NAV1: variants seen among roughly 807,000 people sequenced by gnomAD.
NAV1 encodes pore membrane and/or filament interacting like protein 3.
Under a neutral mutation model 175.2 loss-of-function variants are expected in NAV1, and 18 were observed. That is an observed-to-expected ratio of 0.10 (90% CI 0.07 to 0.15). The LOEUF is 0.15. NAV1 is among the 10% of genes least tolerant of loss of function. The pLI is 1.00. For synonymous variants in NAV1, 897 were observed against 978.7 expected, an observed-to-expected ratio of 0.92 and a Z score of 1.56; for missense variants, 1,731 against 2,436.6, an observed-to-expected ratio of 0.71 and a Z score of 6.10.
chr1:201,564,038 G>A (rs1451954888), intron 1 of NAV1, among the ~76,000 whole-genome samples: 3 of 151,728 alleles, frequency 2.0e-5, no homozygotes, highest in Non-Finnish European at 2.9e-5. Flanking sequence ...TTGAGGCTGC[G>A]GTGAGCCATG....
At chr1:201,565,131 A>T (rs1369872252) in intron 1 of NAV1, among the ~76,000 whole-genome samples, 1 of 152,210 alleles carries the variant, frequency 6.6e-6, no homozygotes, top group African/African-American at 2.4e-5. Flanking sequence ...TCTGCCTACC[A>T]CAGAGAACAC....
chr1:201,540,147 G>C (rs1168069729), intron 1 of NAV1, among the ~76,000 whole-genome samples: 1 of 152,186 alleles, frequency 6.6e-6, no homozygotes, highest in African/African-American at 2.4e-5. Context: ...GAGGACGCGA[G>C]TGGCGGGTGG....
At chr1:201,773,001 C>G (rs1675694711) in intron 3 of NAV1, among the ~76,000 whole-genome samples, 1 of 150,396 alleles carries the variant, frequency 6.6e-6, no homozygotes, top group African/African-American at 2.5e-5. Context: ...CCACTGTACT[C>G]CAGCCTGGGC....
At position 201,787,548 on chromosome 1, in the gene NAV1, A is replaced by G. The variant is rs549408743; in HGVS notation, c.2996-920A>G. On this transcript the variant is annotated intron_variant, in intron 9 of 29. Transcript: ENST00000367296. This position sits in a 1 kb window ranked among gnomAD's most constrained non-coding sequence, Gnocchi z 4.3. ...CTCTATCTCCATTGAAGACCAAATA[A>G]GAAGAATTGCATTTATGCTGCAGAA... The G allele has an allele frequency of 2.9e-4, 118 of 413,968 alleles. No individual in the cohort carries two copies. The highest frequency in any genetic ancestry group is 2.2e-3 in the African/African-American group (109 of 48,922). The allele number at this position is 413,968 out of a possible 1,614,324, so 25.6% of individuals were successfully genotyped here. A position where few individuals can be genotyped will look rare whatever the true frequency, so the allele number is the denominator to read the frequency against.
chr1:201,782,905 G>A lies in NAV1; in HGVS notation c.2357+36G>A. ...TGGGCAGCCGCCTCCTTGTCTGTTT[G>A]CTTTGTCATTCTTTCGCATATCTCT... is the stretch of plus-strand genomic sequence containing the variant. On this transcript the variant is annotated intron_variant, in intron 6 of 29. Transcript: ENST00000367296. This position sits in a 1 kb window ranked among gnomAD's most constrained non-coding sequence, Gnocchi z 5.4. 1.3e-6 allele frequency: 2 copies of A among 1,517,462 alleles called. No homozygotes were observed. Among genetic ancestry groups the A allele is most frequent in the South Asian group, 2.6e-5 (2 of 77,002 alleles). The allele number at this position is 1,517,462 out of a possible 1,614,324, so 94.0% of individuals were successfully genotyped here. A position where few individuals can be genotyped will look rare whatever the true frequency, so the allele number is the denominator to read the frequency against.
chr1:201,689,634 A>G (rs879566531), intron 1 of NAV1, among the ~76,000 whole-genome samples: 4 of 152,210 alleles, frequency 2.6e-5, no homozygotes, highest in Non-Finnish European at 5.9e-5. Context: ...CTTATGGTAC[A>G]TAAGCCCTGA....
At chr1:201,774,212 G>C (rs544907696) in intron 3 of NAV1, among the ~76,000 whole-genome samples, 1 of 152,244 alleles carries the variant, frequency 6.6e-6, no homozygotes, top group South Asian at 2.1e-4. Context: ...AGCTTAGAGT[G>C]AGCAAAGAAA....
chr1:201,607,867 TTA>T (rs1358854895), intron 2 of NAV1, among the ~76,000 whole-genome samples: 1 of 133,318 alleles, frequency 7.5e-6, no homozygotes, highest in Non-Finnish European at 1.6e-5. Context: ...AATGATAACT[TTA>T]TTGTGTGTGT....
intron 2 of NAV1, among the ~76,000 whole-genome samples, chr1:201,640,940 T>C (rs2819394): frequency 0.081 from 12,271 of 152,200 alleles, 1,571 homozygotes; most frequent in African/African-American, 0.27. Context: ...GAAGCACCAA[T>C]AGGTGAATGA....
intron 2 of NAV1, among the ~76,000 whole-genome samples, chr1:201,636,104 C>A (rs1253256155): frequency 6.6e-6 from 1 of 152,262 alleles, no homozygotes; most frequent in Admixed American, 6.5e-5. Flanking sequence ...TTGCCCCATG[C>A]CTGGGCAGAG....
At chr1:201,762,651 C>T (rs1195385740) in intron 3 of NAV1, among the ~76,000 whole-genome samples, 3 of 152,228 alleles carry the variant, frequency 2.0e-5, no homozygotes, top group Non-Finnish European at 4.4e-5. Flanking sequence ...ACTTTATGGC[C>T]TGCAAAGCCT....
At chr1:201,554,520 G>A (rs143903463) in intron 1 of NAV1, among the ~76,000 whole-genome samples, 9 of 152,302 alleles carry the variant, frequency 5.9e-5, no homozygotes, top group East Asian at 1.9e-4. Flanking sequence ...GGGCTAGGGC[G>A]GCCCTGCTGG....
At chr1:201,765,553 C>G (rs1009545292) in intron 3 of NAV1, among the ~76,000 whole-genome samples, 3 of 151,940 alleles carry the variant, frequency 2.0e-5, no homozygotes, top group African/African-American at 7.3e-5. Flanking sequence ...TGCCACCACA[C>G]CTAGCTAATT....
At position 201,808,851 on chromosome 1, in the gene NAV1, G is replaced by A; in HGVS notation, c.4187G>A (p.Gly1396Asp). The change falls in exon 20 of 30, where the codon GGC becomes GAC. Residue 1396 changes from glycine (G) to aspartate (D), a missense_variant. This residue lies in a region of NAV1 where 122 missense variants were observed against 139.4 expected (regional missense o/e 0.88). Transcript: ENST00000367296. The surrounding 1 kb of genome is among the most constrained non-coding windows in gnomAD (Gnocchi z 5.5). ...GGCCTGGCACTCACCCATTCCTTCG[G>A]CCCCAGTCTTGCAGACACAGGTACC... 6.2e-7 allele frequency: 1 copy of A among 1,612,460 alleles called. No individual in the cohort carries two copies. Among genetic ancestry groups the A allele is most frequent in the Non-Finnish European group, 8.5e-7 (1 of 1,179,088 alleles).
rs762717066 is a variant in NAV1, at chr1:201,712,938, G to A, written c.860+19G>A. 11 of 1,581,394 alleles carry A rather than the reference G, an allele frequency of 7.0e-6. No homozygotes were observed. Among genetic ancestry groups the A allele is most frequent in the Non-Finnish European group, 7.0e-6 (8 of 1,150,340 alleles). On this transcript the variant is annotated intron_variant, in intron 2 of 29. Coordinates refer to ENST00000367296, the Ensembl canonical transcript of NAV1. ...CTCACAGGTAAGCTCGAGCTGCAGA[G>A]AGGGTCATGCCCTCTGCCTTCCTGG...
intron 1 of NAV1, among the ~76,000 whole-genome samples, chr1:201,556,696 C>T (rs948955957): frequency 1.1e-4 from 16 of 152,214 alleles, no homozygotes; most frequent in Non-Finnish European, 1.6e-4. Flanking sequence ...CCAACCTGGG[C>T]CAGCAGCAGA....
At chr1:201,566,101 T>C (rs1026723255) in intron 1 of NAV1, among the ~76,000 whole-genome samples, 4 of 152,064 alleles carry the variant, frequency 2.6e-5, no homozygotes, top group African/African-American at 7.2e-5. Flanking sequence ...TCCAGGGGCC[T>C]CCCCCACACT....
rs879532261 is a variant in NAV1 at position 201,807,483 on chromosome 1, G to A, written c.3649-470G>A. On this transcript the variant is annotated intron_variant, in intron 17 of 29. Transcript: ENST00000367296. This position sits in a 1 kb window ranked among gnomAD's most constrained non-coding sequence, Gnocchi z 5.4. ...CAGTGAGCCAGGTTCTAGACTGAGC[G>A]GTTATTGTTCTGCTGCAGAAGGTGG... is the stretch of plus-strand genomic sequence containing the variant. Among the ~76,000 whole-genome samples, 4 of 152,112 alleles carry A rather than the reference G, an allele frequency of 2.6e-5. No homozygotes were observed. Among genetic ancestry groups the A allele is most frequent in the Admixed American group, 1.3e-4 (2 of 15,260 alleles).
intron 1 of NAV1, among the ~76,000 whole-genome samples, chr1:201,627,008 A>G (rs941113284): frequency 1.3e-5 from 2 of 152,278 alleles, no homozygotes; most frequent in African/African-American, 4.8e-5. Context: ...TTTCTGGCCC[A>G]TATGACTGAT....
Sources: gnomAD v4.1 joint callset for allele counts (sites outside exome capture counted in the v4.1 genomes callset) on GRCh38, gnomAD v4.1.1 for gene constraint, gnomAD v4.1.1 regional missense constraint, Gnocchi (gnomAD v3.1) non-coding constraint, MANE v1.5 for transcripts, NCBI Gene and HGNC (gene_info 2026-07-23, HGNC 2026-07-21) for gene names.